The following RAP2C variants were observed in gnomAD, a reference collection of about 807,000 sequenced individuals.
The protein encoded by RAP2C is RAP2C, member of RAS oncogene family.
Under a neutral mutation model 8.9 loss-of-function variants are expected in RAP2C, and 3 were observed. The ratio of observed to expected loss-of-function variants is 0.34; its 90% CI spans 0.15 to 0.87. The LOEUF is 0.87. Among genes scored for constraint, RAP2C ranks in the 40% least tolerant of loss-of-function variants. The pLI, the probability that RAP2C is intolerant of heterozygous loss-of-function variation, is 0.51. For missense variants in RAP2C, 76 were observed against 133.7 expected, an observed-to-expected ratio of 0.57 and a Z score of 2.13; for synonymous variants, 60 against 52.1, an observed-to-expected ratio of 1.15 and a Z score of -0.65.
At chrX:132,209,572 A>AAGTAATCCCATGGGGAGAATCTTTTCTGT in intron 5 of RAP2C, among the ~76,000 whole-genome samples, 1 of 112,060 alleles carries the variant, frequency 8.9e-6, no homozygotes, top group Non-Finnish European at 1.9e-5. Context: ...TTCTACTGAG[A>AAGTAATCCCATGGGGAGAATCTTTTCTGT]AGTAATCCCA....
In RAP2C at chrX:132,214,285, T is replaced by A; in HGVS notation, c.435A>T (p.Thr145=). 3 of 1,212,081 alleles carry A rather than the reference T, an allele frequency of 2.5e-6. No homozygotes were observed. The highest frequency in any genetic ancestry group is 3.3e-6 in the Non-Finnish European group (3 of 895,598). ...CCACCATTGATTTACTTTTTGCCGA[T>A]GTCTCCATGAAAGGACAGCCCCATT... is the stretch of plus-strand genomic sequence containing the variant. ...AQEWGCPFME[T]SAKSKSMVDE... Residue 145 remains threonine, a synonymous_variant, in exon 5 of 6, where the codon ACA becomes ACT. Transcript: ENST00000370874.
At position 132,214,329 on chromosome X, in the gene RAP2C, C is replaced by G; in HGVS notation, c.391G>C (p.Gly131Arg). 1 of 1,212,005 alleles carries G rather than the reference C, an allele frequency of 8.3e-7. No individual in the cohort carries two copies. The change falls in exon 5 of 6, where the codon GGC (glycine) becomes CGC (arginine). Residue 131 changes from glycine to arginine, a missense_variant. Transcript: ENST00000370874. The stretch of plus-strand genomic sequence containing the variant: ...CCCCATTCTTGAGCCAGAGCTCTGC[C>G]TTCTGAAGACATAACCTCTCTTTCT... The part of the protein sequence containing the change: ...EPEREVMSSE[G>R]RALAQEWGCP...
chrX:132,214,581 C>A (rs1470345850), intron 4 of RAP2C, 135 bp from the exon 5 acceptor site: 12 of 1,074,245 alleles, frequency 1.1e-5, no homozygotes, highest in Non-Finnish European at 1.4e-5. Context: ...CACACCTAAA[C>A]AGAGAAATCG....
chrX:132,207,430 CTCT>C (rs1930304637), intron 5 of RAP2C, among the ~76,000 whole-genome samples: 1 of 111,195 alleles, frequency 9.0e-6, no homozygotes, highest in African/African-American at 3.3e-5. Flanking sequence ...ACCTCCTACC[CTCT>C]AAAAACCTGG....
At chrX:132,207,379 C>T (rs1364008355) in intron 5 of RAP2C, among the ~76,000 whole-genome samples, 1 of 111,197 alleles carries the variant, frequency 9.0e-6, no homozygotes, top group Non-Finnish European at 1.9e-5. Flanking sequence ...AATCATTTTA[C>T]TAACCATAAT....
intron 5 of RAP2C, among the ~76,000 whole-genome samples, chrX:132,212,828 AC>A (rs1930468578): frequency 8.9e-6 from 1 of 112,328 alleles, no homozygotes; most frequent in Non-Finnish European, 1.9e-5. Context: ...CACAAGCTGG[AC>A]TATGGTCTGA....
intron 5 of RAP2C, among the ~76,000 whole-genome samples, chrX:132,211,797 A>G (rs778798178): frequency 7.1e-5 from 8 of 112,070 alleles, no homozygotes; most frequent in Non-Finnish European, 1.1e-4. Flanking sequence ...TAACTTGGAC[A>G]AGGTACTCTT....
chrX:132,215,115 A>T (rs1463997363), intron 4 of RAP2C, among the ~76,000 whole-genome samples: 1 of 102,274 alleles, frequency 9.8e-6, no homozygotes, highest in Non-Finnish European at 2.0e-5. Context: ...GGAAGAAGTC[A>T]TTTTTTTTTT....
chrX:132,209,466 A>G (rs1356457044), intron 5 of RAP2C, among the ~76,000 whole-genome samples: 2 of 112,208 alleles, frequency 1.8e-5, no homozygotes, highest in Non-Finnish European at 3.8e-5. Flanking sequence ...TGGCTAATTA[A>G]AACTACTTGG....
At chrX:132,208,346 T>C (rs1488404867) in intron 5 of RAP2C, among the ~76,000 whole-genome samples, 6 of 111,207 alleles carry the variant, frequency 5.4e-5, no homozygotes, top group African/African-American at 2.0e-4. Context: ...CAAATACTAG[T>C]GTGTAATCAT....
At chrX:132,209,274 T>A (rs1273766636) in intron 5 of RAP2C, among the ~76,000 whole-genome samples, 1 of 111,871 alleles carries the variant, frequency 8.9e-6, no homozygotes, top group Non-Finnish European at 1.9e-5. Context: ...AATCTCTGAA[T>A]GTTTAAATTA....
intron 4 of RAP2C, among the ~76,000 whole-genome samples, chrX:132,215,268 T>C (rs747294624): frequency 1.2e-4 from 13 of 111,396 alleles, no homozygotes; most frequent in Admixed American, 1.9e-4. Flanking sequence ...ATTGATTTAA[T>C]ACAATATTAT....
chrX:132,208,669 T>C (rs1930343341), intron 5 of RAP2C, among the ~76,000 whole-genome samples: 2 of 109,307 alleles, frequency 1.8e-5, no homozygotes, highest in African/African-American at 6.6e-5. Context: ...TAATAATAAT[T>C]TTAATTTCAG....
chrX:132,206,929 TC>T (rs201494458), intron 5 of RAP2C, among the ~76,000 whole-genome samples: 1,363 of 112,122 alleles, frequency 0.012, 21 homozygotes, highest in African/African-American at 0.041. Flanking sequence ...TTCCTCATCA[TC>T]GAAAAAGGGA....
intron 1 of RAP2C, 58 bp from the exon 2 acceptor site, chrX:132,218,399 C>T (rs1930737002): frequency 9.2e-6 from 1 of 108,565 alleles, no homozygotes; most frequent in Admixed American, 9.8e-5. Context: ...CCCCCAAACC[C>T]GTAGAAGCCC....
At chrX:132,208,004 CA>C (rs58571332) in intron 5 of RAP2C, among the ~76,000 whole-genome samples, 31,721 of 102,976 alleles carry the variant, frequency 0.31, 4,503 homozygotes, top group African/African-American at 0.53. Flanking sequence ...TAGGAAAGTA[CA>C]AAAAAAAAAC....
chrX:132,203,068 G>A lies in RAP2C; in HGVS notation c.*2554C>T, dbSNP rs1402272030. 8.9e-6 allele frequency: 1 copy of A among 111,886 alleles called. No individual in the cohort carries two copies. The highest frequency in any genetic ancestry group is 1.9e-5 in the Non-Finnish European group (1 of 53,080). The allele number at this position is 111,886 out of a possible 1,213,427, so 9.2% of individuals were successfully genotyped here. On this transcript the variant is annotated 3_prime_UTR_variant, in exon 6 of 6. Transcript: ENST00000370874. Reference sequence around the variant, plus strand: ...ATTTTATTAAAAAAGTTACAAACAGGTGGACTGCAGGGTCGTCTTACAAAA... The same window carrying A: ...ATTTTATTAAAAAAGTTACAAACAGATGGACTGCAGGGTCGTCTTACAAAA...
At chrX:132,210,423 T>C (rs1930396525) in intron 5 of RAP2C, among the ~76,000 whole-genome samples, 1 of 112,520 alleles carries the variant, frequency 8.9e-6, no homozygotes, top group Non-Finnish European at 1.9e-5. Flanking sequence ...TAAAATGATG[T>C]TCAAATAGAG....
At chrX:132,209,169 A>C (rs1930358169) in intron 5 of RAP2C, among the ~76,000 whole-genome samples, 1 of 111,940 alleles carries the variant, frequency 8.9e-6, no homozygotes, top group East Asian at 2.8e-4. Context: ...TGGAGGTGGA[A>C]TCACACATGA....
Sources: allele counts gnomAD v4.1 joint callset (sites outside exome capture counted in the v4.1 genomes callset), GRCh38; gene constraint gnomAD v4.1.1; transcripts MANE v1.5; gene names NCBI Gene and HGNC (gene_info 2026-07-23, HGNC 2026-07-21).